Variants in SGCZ observed in about 807,000 individuals in gnomAD.
The protein encoded by SGCZ is sarcoglycan zeta.
SGCZ carries 40 observed loss-of-function variants against 41.3 expected under a neutral mutation model. The ratio of observed to expected loss-of-function variants is 0.97; its 90% CI spans 0.75 to 1.26. The LOEUF (loss-of-function observed/expected upper bound fraction) is 1.26. SGCZ is among the 50% of genes most tolerant of loss of function. The pLI is 0.00. For missense variants in SGCZ, 552 were observed against 369.8 expected (o/e 1.49, Z -4.04); for synonymous variants, 206 against 137.5 (o/e 1.50, Z -3.49).
At chr8:14,418,731 A>G (rs566146144) in intron 2 of SGCZ, among the ~76,000 whole-genome samples, 7 of 152,106 alleles carry the variant, frequency 4.6e-5, no homozygotes, top group Middle Eastern at 6.8e-3. Context: ...ATTGGTCTAC[A>G]AAGAATTAAA....
In SGCZ at chr8:14,669,169, T is replaced by C. The variant is rs553185189; in HGVS notation, c.40-114243A>G. On this transcript the variant is annotated intron_variant, in intron 1 of 7. Transcript: ENST00000382080. Reference sequence around the variant, plus strand: ...GAGCAACATGGTAAAACCTCGTCTCTACAAACACACACACACACACTACAA... The same window carrying C: ...GAGCAACATGGTAAAACCTCGTCTCCACAAACACACACACACACACTACAA... Among the ~76,000 whole-genome samples the C allele has an allele frequency of 1.5e-4, 21 of 140,776 alleles. 1 individual carries two copies. The South Asian group carries it at 4.4e-3, about 30-fold the overall frequency. 92.4% of individuals were successfully genotyped at this position (140,776 alleles called of 152,430 possible).
intron 4 of SGCZ, among the ~76,000 whole-genome samples, chr8:14,208,610 A>G (rs757716901): frequency 7.2e-5 from 11 of 152,332 alleles, no homozygotes; most frequent in African/African-American, 2.4e-4. Context: ...TAATAGAATC[A>G]GACATTTTTC....
intron 2 of SGCZ, among the ~76,000 whole-genome samples, chr8:14,489,272 T>G (rs1585584299): frequency 6.6e-6 from 1 of 152,232 alleles, no homozygotes; most frequent in East Asian, 1.9e-4. Flanking sequence ...AACTACCACT[T>G]ACTACATTCA....
chr8:14,603,995 C>T (rs889678555), intron 1 of SGCZ, among the ~76,000 whole-genome samples: 2 of 151,800 alleles, frequency 1.3e-5, no homozygotes, highest in Admixed American at 1.3e-4. Context: ...AGCAAACTGC[C>T]CTAAAAGTAA....
At chr8:14,201,807 T>C (rs1247263289) in intron 4 of SGCZ, among the ~76,000 whole-genome samples, 2 of 152,156 alleles carry the variant, frequency 1.3e-5, no homozygotes, top group Non-Finnish European at 2.9e-5. Context: ...AATGTGTTTA[T>C]AGAAATGACA....
chr8:14,350,377 C>T (rs544318111), intron 2 of SGCZ, among the ~76,000 whole-genome samples: 1 of 151,856 alleles, frequency 6.6e-6, no homozygotes, highest in Non-Finnish European at 1.5e-5. Context: ...TATGCTTTTT[C>T]AAGTATTTTA....
At chr8:14,858,372 T>C (rs937158298) in intron 1 of SGCZ, among the ~76,000 whole-genome samples, 1 of 152,098 alleles carries the variant, frequency 6.6e-6, no homozygotes, top group East Asian at 1.9e-4. Flanking sequence ...TTTGACGCTT[T>C]TTCAAATCTC....
intron 2 of SGCZ, among the ~76,000 whole-genome samples, chr8:14,420,977 C>G (rs764095215): frequency 1.3e-5 from 2 of 152,066 alleles, no homozygotes; most frequent in Non-Finnish European, 2.9e-5. Flanking sequence ...AGGGATCACA[C>G]TATTTCAGAA....
intron 1 of SGCZ, among the ~76,000 whole-genome samples, chr8:14,910,363 C>A (rs2130775780): frequency 6.6e-6 from 1 of 152,010 alleles, no homozygotes; most frequent in East Asian, 1.9e-4. Flanking sequence ...CATAAGGACA[C>A]CAGGAAACAA....
chr8:14,855,254 T>G (rs1203617358), intron 1 of SGCZ, among the ~76,000 whole-genome samples: 5 of 152,006 alleles, frequency 3.3e-5, no homozygotes, highest in Non-Finnish European at 7.4e-5. Context: ...TTCACCATGT[T>G]GGCCAGGCTG....
intron 1 of SGCZ, among the ~76,000 whole-genome samples, chr8:14,928,791 C>T (rs6982108): frequency 6.6e-6 from 1 of 151,694 alleles, no homozygotes; most frequent in Non-Finnish European, 1.5e-5. Context: ...GACAGCTTTG[C>T]GTATGTAATT....
intron 5 of SGCZ, among the ~76,000 whole-genome samples, chr8:14,149,718 A>G (rs1298965599): frequency 6.6e-6 from 1 of 152,026 alleles, no homozygotes; most frequent in Non-Finnish European, 1.5e-5. Context: ...CAGGATAGCT[A>G]AAGTTATCCT....
At chr8:14,557,468 C>A (rs931093863) in intron 1 of SGCZ, among the ~76,000 whole-genome samples, 4 of 152,000 alleles carry the variant, frequency 2.6e-5, no homozygotes, top group Non-Finnish European at 5.9e-5. Context: ...ATTGCATTTG[C>A]TTTTGGGCTC....
At chr8:14,809,095 G>A (rs556929885) in intron 1 of SGCZ, among the ~76,000 whole-genome samples, 20 of 145,524 alleles carry the variant, frequency 1.4e-4, no homozygotes, top group Non-Finnish European at 2.8e-4. Flanking sequence ...TGGGTGGAGG[G>A]GGGAGGGATA....
chr8:14,899,882 G>A (rs993223382), intron 1 of SGCZ, among the ~76,000 whole-genome samples: 3 of 142,830 alleles, frequency 2.1e-5, no homozygotes, highest in Non-Finnish European at 4.8e-5. Context: ...AGGAGGAGAG[G>A]AAAATGCTTA....
intron 5 of SGCZ, among the ~76,000 whole-genome samples, chr8:14,162,839 T>G (rs975942801): frequency 1.3e-5 from 2 of 152,150 alleles, no homozygotes; most frequent in Non-Finnish European, 2.9e-5. Context: ...TAATCCCTGT[T>G]GAATTTCATC....
chr8:14,264,264 G>A (rs540689224), intron 3 of SGCZ, among the ~76,000 whole-genome samples: 2 of 152,286 alleles, frequency 1.3e-5, no homozygotes, highest in Admixed American at 1.3e-4. Flanking sequence ...GCACAGGGAT[G>A]CTGTGTGTTT....
At chr8:14,755,848 A>G (rs1368879979) in intron 1 of SGCZ, among the ~76,000 whole-genome samples, 1 of 152,184 alleles carries the variant, frequency 6.6e-6, no homozygotes, top group Non-Finnish European at 1.5e-5. Context: ...CAGGACATAG[A>G]TAACAAACAA....
chr8:14,734,302 T>C (rs892852894), intron 1 of SGCZ, among the ~76,000 whole-genome samples: 1 of 152,032 alleles, frequency 6.6e-6, no homozygotes, highest in Non-Finnish European at 1.5e-5. Context: ...ATCTACAAAA[T>C]TGTAATAAAA....
Sources: gnomAD v4.1 joint callset for allele counts (sites outside exome capture counted in the v4.1 genomes callset) on GRCh38, gnomAD v4.1.1 for gene constraint, MANE v1.5 for transcripts, NCBI Gene and HGNC (gene_info 2026-07-23, HGNC 2026-07-21) for gene names.